The following LHFPL3 variants were observed in gnomAD, a reference collection of about 807,000 sequenced individuals.
LHFPL3 encodes LHFPL tetraspan subfamily member 3 protein.
A neutral mutation model predicts 19.3 loss-of-function variants in LHFPL3; 5 were observed. That is an observed-to-expected ratio of 0.26 (90% CI 0.14 to 0.54). The LOEUF is 0.54. Ranked by LOEUF, LHFPL3 falls within the 20% of genes least tolerant of loss-of-function variation. The pLI is 0.94. For synonymous variants in LHFPL3, 133 were observed against 126.2 expected, an observed-to-expected ratio of 1.05 and a Z score of -0.36; for missense variants, 249 against 307.4, an observed-to-expected ratio of 0.81 and a Z score of 1.42.
At chr7:104,680,795 A>G (rs1272605790) in intron 1 of LHFPL3, among the ~76,000 whole-genome samples, 1 of 152,196 alleles carries the variant, frequency 6.6e-6, no homozygotes, top group Admixed American at 6.5e-5. Context: ...TGATGGGGGT[A>G]AAAGAAGAAG....
At chr7:104,839,464 C>G (rs893422668) in intron 2 of LHFPL3, among the ~76,000 whole-genome samples, 3 of 152,014 alleles carry the variant, frequency 2.0e-5, no homozygotes, top group Admixed American at 2.0e-4. Context: ...GTCAGGAGTT[C>G]GAGACCAGCC....
chr7:104,769,062 T>C (rs1292778527), intron 2 of LHFPL3: 1 of 152,212 alleles, frequency 6.6e-6, no homozygotes, highest in African/African-American at 2.4e-5. Flanking sequence ...ATTTCAAACA[T>C]CTCAGGAGTT....
intron 1 of LHFPL3, among the ~76,000 whole-genome samples, chr7:104,379,470 G>T (rs1273424797): frequency 2.0e-5 from 3 of 152,064 alleles, no homozygotes; most frequent in Non-Finnish European, 2.9e-5. Context: ...CTAGTAATGG[G>T]GTCTCTTAAG....
chr7:104,515,370 A>G (rs1473092796), intron 1 of LHFPL3, among the ~76,000 whole-genome samples: 4 of 152,184 alleles, frequency 2.6e-5, no homozygotes, highest in Admixed American at 6.6e-5. Flanking sequence ...CTTTTTAGCT[A>G]TAATTGACTC....
intron 1 of LHFPL3, among the ~76,000 whole-genome samples, chr7:104,702,239 T>C (rs1793118624): frequency 6.6e-6 from 1 of 152,232 alleles, no homozygotes. Context: ...CATCCTGTTC[T>C]TGACTCTTCG....
intron 1 of LHFPL3, among the ~76,000 whole-genome samples, chr7:104,478,436 TCTCCACCG>T (rs1213719176): frequency 1.3e-5 from 2 of 152,024 alleles, no homozygotes; most frequent in African/African-American, 4.8e-5. Flanking sequence ...TCTCCTCTTC[TCTCCACCG>T]CTCCATTCAC....
intron 1 of LHFPL3, among the ~76,000 whole-genome samples, chr7:104,576,416 G>T (rs1023011742): frequency 6.6e-6 from 1 of 152,176 alleles, no homozygotes; most frequent in African/African-American, 2.4e-5. Flanking sequence ...TTTATACTTA[G>T]ATTGTATGTT....
intron 1 of LHFPL3, among the ~76,000 whole-genome samples, chr7:104,370,835 T>C (rs928125107): frequency 1.3e-5 from 2 of 152,162 alleles, no homozygotes; most frequent in Non-Finnish European, 2.9e-5. Flanking sequence ...TGAGCTGAGA[T>C]GGCACCACTG....
chr7:104,345,887 T>C (rs937050790), intron 1 of LHFPL3, among the ~76,000 whole-genome samples: 8 of 152,212 alleles, frequency 5.3e-5, no homozygotes, highest in Non-Finnish European at 1.2e-4. Flanking sequence ...TTACCACTAG[T>C]GGTCAGTTGA....
At chr7:104,455,202 T>G (rs1371224131) in intron 1 of LHFPL3, among the ~76,000 whole-genome samples, 2 of 152,366 alleles carry the variant, frequency 1.3e-5, no homozygotes, top group East Asian at 3.9e-4. Context: ...AAATGCACAT[T>G]AATTAGCATT....
In LHFPL3 at chr7:104,328,753, A is replaced by AGGAGGAGGAGGAGGG; in HGVS notation, c.-13_-12insGGGAGGAGGAGGAGG. ...CGGGGGGAGGCGGAGGACCAGGAGG[A>AGGAGGAGGAGGAGGG]GGAGGAGGAGGAGGAGGAGGGGGAG... On this transcript the variant is annotated 5_prime_UTR_variant, in exon 1 of 3. Coordinates refer to ENST00000424859, the MANE Select transcript of LHFPL3 (RefSeq NM_199000.3). This position sits in a 1 kb window ranked among gnomAD's most constrained non-coding sequence, Gnocchi z 4.6. 7.4e-7 allele frequency: 1 copy of AGGAGGAGGAGGAGGG among 1,354,574 alleles called. No individual in the cohort carries two copies. The highest frequency in any genetic ancestry group is 1.3e-5 in the South Asian group (1 of 75,354). 83.9% of individuals were successfully genotyped at this position (1,354,574 alleles called of 1,614,324 possible). A position where few individuals can be genotyped will look rare whatever the true frequency, so the allele number is the denominator to read the frequency against.
intron 2 of LHFPL3, among the ~76,000 whole-genome samples, chr7:104,831,685 C>T (rs908849879): frequency 4.0e-5 from 6 of 151,678 alleles, no homozygotes; most frequent in Non-Finnish European, 1.5e-5. Flanking sequence ...AATAAAAATG[C>T]AGTGGGGATT....
At chr7:104,798,319 T>C (rs1260637101) in intron 2 of LHFPL3, 2 of 152,154 alleles carry the variant, frequency 1.3e-5, no homozygotes, top group African/African-American at 2.4e-5. Context: ...ACTCAAGAAA[T>C]GTGGAGAAAA....
chr7:104,625,661 G>A (rs547753501), intron 1 of LHFPL3, among the ~76,000 whole-genome samples: 1 of 152,208 alleles, frequency 6.6e-6, no homozygotes, highest in East Asian at 1.9e-4. Context: ...TATTTGTGAA[G>A]CAAACACCAG....
chr7:104,874,748 T>C (rs1315463994), intron 2 of LHFPL3, among the ~76,000 whole-genome samples: 1 of 152,028 alleles, frequency 6.6e-6, no homozygotes, highest in Non-Finnish European at 1.5e-5. Flanking sequence ...CTGAGTTGGG[T>C]TTCAAGAGGC....
chr7:104,692,176 T>C (rs1469180802), intron 1 of LHFPL3, among the ~76,000 whole-genome samples: 2 of 152,204 alleles, frequency 1.3e-5, no homozygotes, highest in Admixed American at 6.5e-5. Context: ...GTTTTATGTA[T>C]TCACAAAGAT....
At position 104,908,320 on chromosome 7, in the gene LHFPL3, A is replaced by G. The variant is rs1007640742; in HGVS notation, c.*2105A>G. Among the ~76,000 whole-genome samples the G allele has an allele frequency of 6.6e-6, 1 of 152,172 alleles. No individual in the cohort carries two copies. The highest frequency in any genetic ancestry group is 2.4e-5 in the African/African-American group (1 of 41,446). On this transcript the variant is annotated 3_prime_UTR_variant, in exon 3 of 3. Coordinates refer to ENST00000424859, the MANE Select transcript of LHFPL3 (RefSeq NM_199000.3). ...GAAGATGGGTCATTGACGATGTACC[A>G]TTTGTATATAGGTAATACACATGTA...
Position 104,431,734 on chromosome 7 carries a change from A to G in LHFPL3, c.445+102510A>G, listed in dbSNP as rs575346047. On this transcript the variant is annotated intron_variant, in intron 1 of 2. Transcript: ENST00000424859. ...CAAAGTTGTTCCTTTCAGTATTTTAAAAGATTACTTTGTCTCTTTGCATCT... is the reference window on the plus strand; with the variant it reads ...CAAAGTTGTTCCTTTCAGTATTTTAGAAGATTACTTTGTCTCTTTGCATCT... Among the ~76,000 whole-genome samples, 83 of 152,326 alleles carry G rather than the reference A, an allele frequency of 5.4e-4. 1 individual carries two copies. Among genetic ancestry groups the G allele is most frequent in the South Asian group, 1.2e-3 (6 of 4,826 alleles).
chr7:104,588,436 G>A (rs1790631498), intron 1 of LHFPL3, among the ~76,000 whole-genome samples: 1 of 152,058 alleles, frequency 6.6e-6, no homozygotes, highest in Non-Finnish European at 1.5e-5. Context: ...TAGATGTGTG[G>A]TATTATTTCT....
Sources: allele counts gnomAD v4.1 joint callset (sites outside exome capture counted in the v4.1 genomes callset), GRCh38; gene constraint gnomAD v4.1.1; non-coding constraint Gnocchi (gnomAD v3.1); transcripts MANE v1.5; gene names NCBI Gene and HGNC (gene_info 2026-07-23, HGNC 2026-07-21).